The following IPO11 variants were observed in gnomAD, a reference collection of about 807,000 sequenced individuals.
IPO11 encodes importin 11.
A neutral mutation model predicts 143.2 loss-of-function variants in IPO11; 66 were observed. That is an observed-to-expected ratio of 0.46 (90% CI 0.38 to 0.57). The LOEUF is 0.57. IPO11 is among the 20% of genes least tolerant of loss of function. IPO11 has a pLI of 0.00. For missense variants in IPO11, 1,026 were observed against 1,141.0 expected (o/e 0.90, Z 1.45); for synonymous variants, 385 against 377.8 (o/e 1.02, Z -0.22).
At chr5:62,587,446 T>C (rs1744838048) in intron 27 of IPO11, among the ~76,000 whole-genome samples, 1 of 152,180 alleles carries the variant, frequency 6.6e-6, no homozygotes, top group African/African-American at 2.4e-5. Context: ...CAAAAGTATT[T>C]GCAGGCTGTA....
At chr5:62,530,187 G>T (rs1742497130) in intron 21 of IPO11, among the ~76,000 whole-genome samples, 1 of 151,998 alleles carries the variant, frequency 6.6e-6, no homozygotes, top group Non-Finnish European at 1.5e-5. Context: ...TTATGCTTTT[G>T]GTTTATTGTT....
intron 20 of IPO11, among the ~76,000 whole-genome samples, chr5:62,519,746 A>G (rs1373558081): frequency 3.3e-5 from 5 of 152,212 alleles, no homozygotes; most frequent in African/African-American, 4.8e-5. Flanking sequence ...TGGGCATGCC[A>G]TGTCTGAATT....
intron 2 of IPO11, among the ~76,000 whole-genome samples, chr5:62,438,083 G>A (rs1744304742): frequency 6.6e-6 from 1 of 152,112 alleles, no homozygotes; most frequent in African/African-American, 2.4e-5. Flanking sequence ...TCTGGTCAGG[G>A]CAACAAAGCT....
chr5:62,579,519 A>G (rs1415354602), intron 27 of IPO11: 3 of 1,550,962 alleles, frequency 1.9e-6, no homozygotes, highest in East Asian at 4.9e-5. Flanking sequence ...TACTCCACAA[A>G]GAAATACTTG....
intron 1 of IPO11, among the ~76,000 whole-genome samples, chr5:62,431,142 C>G (rs1256089299): frequency 6.6e-6 from 1 of 151,802 alleles, no homozygotes; most frequent in Non-Finnish European, 1.5e-5. Flanking sequence ...GTACGCCTGG[C>G]TAATTTTTTA....
chr5:62,483,920 A>C (rs1746304552), intron 10 of IPO11, 90 bp from the exon 11 acceptor site: 2 of 1,078,104 alleles, frequency 1.9e-6, no homozygotes, highest in African/African-American at 3.3e-5. Context: ...TTCTTCCCTG[A>C]GAGTGTATTT....
rs1421756439 is a variant in IPO11, at chr5:62,536,759, T to C, written c.2147T>C (p.Leu716Ser). The change falls in exon 23 of 30, where the codon TTA (leucine) becomes TCA (serine). Residue 716 changes from leucine to serine, a missense_variant. Around this residue, in one of 5 missense-constraint regions of IPO11, gnomAD observed 351 missense variants for 358.9 expected, o/e 0.98. Transcript: ENST00000325324. ...AAGATCATCAATGGTTATATCTTTT[T>C]ATCATCAACAGAATTTTTACAGGTA... is the stretch of plus-strand genomic sequence containing the variant. Reference protein sequence around the residue: ...CFKIINGYIFLSSTEFLQTYA... With the variant: ...CFKIINGYIFSSSTEFLQTYA... 1.3e-6 allele frequency: 2 copies of C among 1,567,726 alleles called. No individual in the cohort carries two copies.
chr5:62,536,336 G>A (rs1279958644), intron 22 of IPO11, among the ~76,000 whole-genome samples: 1 of 152,012 alleles, frequency 6.6e-6, no homozygotes, highest in East Asian at 1.9e-4. Context: ...GAAAATATAT[G>A]GGGAGCTTGG....
intron 29 of IPO11, among the ~76,000 whole-genome samples, chr5:62,611,199 A>G (rs10060044): frequency 0.47 from 71,260 of 152,006 alleles, 16,922 homozygotes; most frequent in South Asian, 0.53. Flanking sequence ...AAGTATTAGA[A>G]ATACACTGTG....
rs980111802 is a variant in IPO11, at chr5:62,621,181, A to G, written c.2764-5973A>G. On this transcript the variant is annotated intron_variant, in intron 29 of 29. Coordinates refer to ENST00000325324, the MANE Select transcript of IPO11 (RefSeq NM_016338.5). ...AGCCAATGCGATGAGAAGAGAGTCT[A>G]TGTAAGTTTTAAGTATTGGCAAAGA... Among the ~76,000 whole-genome samples the G allele has an allele frequency of 2.6e-5, 4 of 152,212 alleles. No homozygotes were observed. In the East Asian group the frequency reaches 5.8e-4, roughly 22 times the overall value.
intron 20 of IPO11, among the ~76,000 whole-genome samples, chr5:62,524,414 A>G (rs1020230403): frequency 6.6e-6 from 1 of 152,154 alleles, no homozygotes; most frequent in Non-Finnish European, 1.5e-5. Flanking sequence ...TTGAATACAC[A>G]TTTAAGTAAG....
chr5:62,585,191 A>G (rs1486975951), intron 27 of IPO11, among the ~76,000 whole-genome samples: 2 of 152,140 alleles, frequency 1.3e-5, no homozygotes, highest in African/African-American at 4.8e-5. Flanking sequence ...AACTTAATAC[A>G]TAAGTTGGTA....
At chr5:62,494,445 A>C (rs1452768534) in intron 16 of IPO11, among the ~76,000 whole-genome samples, 1 of 152,192 alleles carries the variant, frequency 6.6e-6, no homozygotes, top group Non-Finnish European at 1.5e-5. Context: ...TTGGCATTGA[A>C]ATAGCATCAT....
At chr5:62,567,492 A>AT (rs1181269555) in intron 27 of IPO11, among the ~76,000 whole-genome samples, 2,191 of 125,938 alleles carry the variant, frequency 0.017, 28 homozygotes, top group African/African-American at 0.031. Context: ...TATTATTATT[A>AT]TTATTTTTTT....
intron 5 of IPO11, among the ~76,000 whole-genome samples, chr5:62,452,661 T>TTG (rs1452406367): frequency 1.1e-5 from 1 of 89,068 alleles, no homozygotes; most frequent in African/African-American, 5.1e-5. Flanking sequence ...GGTTTTGGGT[T>TTG]CGTGTGTGTG....
chr5:62,450,995 A>G (rs573808618), intron 4 of IPO11, among the ~76,000 whole-genome samples: 288 of 152,332 alleles, frequency 1.9e-3, no homozygotes, highest in African/African-American at 6.6e-3. Flanking sequence ...GCTGAAGCAT[A>G]ATGGAGAAAA....
intron 21 of IPO11, among the ~76,000 whole-genome samples, chr5:62,528,449 G>T (rs1157819590): frequency 6.6e-6 from 1 of 152,182 alleles, no homozygotes; most frequent in Non-Finnish European, 1.5e-5. Context: ...ATTAAGAGGA[G>T]CATAGACATG....
chr5:62,456,701 A>G (rs542912205), intron 5 of IPO11, among the ~76,000 whole-genome samples: 1 of 152,248 alleles, frequency 6.6e-6, no homozygotes, highest in Non-Finnish European at 1.5e-5. Context: ...ACTGTGTACA[A>G]GAGATATGTA....
chr5:62,444,366 G>A (rs1288720333), intron 3 of IPO11, among the ~76,000 whole-genome samples: 10 of 151,822 alleles, frequency 6.6e-5, no homozygotes, highest in African/African-American at 1.9e-4. Context: ...TGCTGGGATT[G>A]CAGGTGTGAG....
Sources: allele counts gnomAD v4.1 joint callset (sites outside exome capture counted in the v4.1 genomes callset), GRCh38; gene constraint gnomAD v4.1.1; regional missense constraint gnomAD v4.1.1; transcripts MANE v1.5; gene names NCBI Gene and HGNC (gene_info 2026-07-23, HGNC 2026-07-21).